The following CCDC85C variants were observed in gnomAD, a reference collection of about 807,000 sequenced individuals.
CCDC85C encodes coiled-coil domain-containing protein 85C.
Under a neutral mutation model 38.3 loss-of-function variants are expected in CCDC85C, and 18 were observed. The observed-to-expected ratio is 0.47, with a 90% CI of 0.33 to 0.70. The LOEUF (loss-of-function observed/expected upper bound fraction) is 0.70. CCDC85C is among the 30% of genes least tolerant of loss of function. The pLI is 0.03. For missense variants in CCDC85C, 566 were observed against 621.2 expected (o/e 0.91, Z 0.94); for synonymous variants, 264 against 293.8 (o/e 0.90, Z 1.04).
In CCDC85C at chr14:99,510,717, C is replaced by T; in HGVS notation, c.*4529G>A. 7.0e-7 allele frequency: 1 copy of T among 1,422,104 alleles called. No homozygotes were observed. Among genetic ancestry groups the T allele is most frequent in the Non-Finnish European group, 9.2e-7 (1 of 1,087,066 alleles). The allele number at this position is 1,422,104 out of a possible 1,614,324, so 88.1% of individuals were successfully genotyped here. On this transcript the variant is annotated 3_prime_UTR_variant, in exon 6 of 6. Transcript: ENST00000380243. ...CCCTGGAGGACAGCCTCCTGTGCCC[C>T]CGCCCATTCCCCCACCCGGCATGCC...
rs1896955755 is a variant in CCDC85C at position 99,505,645 on chromosome 14, C to G, written c.*9601G>C. ...GGGAGGCCAAGGCATGCTTTGAGCC[C>G]AGGAGTTCCAGGCCAGACTGGGCCA... On this transcript the variant is annotated 3_prime_UTR_variant, in exon 6 of 6. Transcript: ENST00000380243. 6.6e-6 allele frequency: 1 copy of G among 152,162 alleles called. No individual in the cohort carries two copies. The highest frequency in any genetic ancestry group is 1.5e-5 in the Non-Finnish European group (1 of 68,062). The allele number at this position is 152,162 out of a possible 1,614,324, so 9.4% of individuals were successfully genotyped here.
rs1896964006 is a variant in CCDC85C, at chr14:99,506,003, T to A, written c.*9243A>T. 6.6e-6 allele frequency: 1 copy of A among 152,334 alleles called. No individual in the cohort carries two copies. Among genetic ancestry groups the A allele is most frequent in the Non-Finnish European group, 1.5e-5 (1 of 68,202 alleles). The allele number at this position is 152,334 out of a possible 1,614,324, so 9.4% of individuals were successfully genotyped here. On this transcript the variant is annotated 3_prime_UTR_variant, in exon 6 of 6. Coordinates refer to ENST00000380243, the MANE Select transcript of CCDC85C (RefSeq NM_001144995.2). ...AGGAGGTGGGTCCCTGAGGTGAGAGTAATAGCAGTTATAGGATACAGAGGC... is the reference window on the plus strand; with the variant it reads ...AGGAGGTGGGTCCCTGAGGTGAGAGAAATAGCAGTTATAGGATACAGAGGC...
At chr14:99,538,941 G>A (rs1441698416) in intron 1 of CCDC85C, among the ~76,000 whole-genome samples, 2 of 152,024 alleles carry the variant, frequency 1.3e-5, no homozygotes, top group African/African-American at 4.8e-5. Context: ...CCCCCACATC[G>A]GGCCACCTGT....
intron 1 of CCDC85C, among the ~76,000 whole-genome samples, chr14:99,560,670 G>A (rs1032722882): frequency 2.0e-5 from 3 of 152,234 alleles, no homozygotes; most frequent in African/African-American, 7.2e-5. Flanking sequence ...TGGGCCCGGT[G>A]TACTCAATGC....
chr14:99,523,460 G>A (rs984666770), intron 2 of CCDC85C, among the ~76,000 whole-genome samples: 2 of 152,210 alleles, frequency 1.3e-5, no homozygotes, highest in Non-Finnish European at 2.9e-5. Flanking sequence ...TTGGCTCAAG[G>A]GCCAGCAAAC....
intron 1 of CCDC85C, among the ~76,000 whole-genome samples, chr14:99,571,907 C>G (rs1040887817): frequency 6.6e-6 from 1 of 152,210 alleles, no homozygotes; most frequent in Non-Finnish European, 1.5e-5. Flanking sequence ...TGGCCTGGGA[C>G]ATCACACCTA....
chr14:99,545,928 CCTCCAA>C lies in CCDC85C; in HGVS notation c.794-9846_794-9841del, dbSNP rs2139931220. Among the ~76,000 whole-genome samples, 1 of 152,186 alleles carries C rather than the reference CCTCCAA, an allele frequency of 6.6e-6. No homozygotes were observed. Among genetic ancestry groups the C allele is most frequent in the Non-Finnish European group, 1.5e-5 (1 of 68,012 alleles). ...ACTGTTCCAATCATCCAACTCCCAGCCTCCAACTCCGAGGGACCCTTTACCCTCCTG... is the reference window on the plus strand; with the variant it reads ...ACTGTTCCAATCATCCAACTCCCAGCCTCCGAGGGACCCTTTACCCTCCTG... On this transcript the variant is annotated intron_variant, in intron 1 of 5. Coordinates refer to ENST00000380243, the MANE Select transcript of CCDC85C (RefSeq NM_001144995.2). The surrounding 1 kb of genome is among the most constrained non-coding windows in gnomAD (Gnocchi z 4.7).
intron 1 of CCDC85C, among the ~76,000 whole-genome samples, chr14:99,585,055 A>G (rs2055012450): frequency 1.3e-5 from 2 of 152,176 alleles, no homozygotes; most frequent in Non-Finnish European, 2.9e-5. Flanking sequence ...AGATTGGGCA[A>G]CCACACTCCA....
At chr14:99,590,773 G>A (rs867811127) in intron 1 of CCDC85C, among the ~76,000 whole-genome samples, 7 of 152,156 alleles carry the variant, frequency 4.6e-5, no homozygotes, top group Admixed American at 6.5e-5. Context: ...CCAGTCTCCC[G>A]GTGCACTCTG....
chr14:99,546,989 C>T (rs1897820119), intron 1 of CCDC85C, among the ~76,000 whole-genome samples: 2 of 152,010 alleles, frequency 1.3e-5, no homozygotes, highest in Admixed American at 6.6e-5. Context: ...AGCAACATAG[C>T]GAGACCCCAT....
At chr14:99,549,073 G>T (rs1454628319) in intron 1 of CCDC85C, among the ~76,000 whole-genome samples, 1 of 152,144 alleles carries the variant, frequency 6.6e-6, no homozygotes, top group Admixed American at 6.5e-5. Flanking sequence ...GGGTGCCTCC[G>T]CTCCACCTGC....
At chr14:99,564,139 T>C (rs147599485) in intron 1 of CCDC85C, among the ~76,000 whole-genome samples, 412 of 152,348 alleles carry the variant, frequency 2.7e-3, no homozygotes, top group African/African-American at 9.4e-3. Flanking sequence ...TCACTCCCAT[T>C]AGCCATGGAA....
At chr14:99,560,426 G>A (rs994198881) in intron 1 of CCDC85C, among the ~76,000 whole-genome samples, 6 of 152,202 alleles carry the variant, frequency 3.9e-5, no homozygotes, top group African/African-American at 1.4e-4. Flanking sequence ...ACTGCTCACA[G>A]CACCATCAGT....
chr14:99,592,242 G>A (rs2055095731), intron 1 of CCDC85C, among the ~76,000 whole-genome samples: 1 of 152,198 alleles, frequency 6.6e-6, no homozygotes, highest in Non-Finnish European at 1.5e-5. Flanking sequence ...AGCTACATAT[G>A]GCTAGTGGAC....
Position 99,603,216 on chromosome 14 carries a change from G to C in CCDC85C, c.744C>G (p.Asp248Glu). 2.1e-6 allele frequency: 3 copies of C among 1,429,052 alleles called. No homozygotes were observed. The highest frequency in any genetic ancestry group is 2.7e-6 in the Non-Finnish European group (3 of 1,093,964). 88.5% of individuals were successfully genotyped at this position (1,429,052 alleles called of 1,614,324 possible). A position where few individuals can be genotyped will look rare whatever the true frequency, so the allele number is the denominator to read the frequency against. Residue 248 changes from aspartate to glutamate, a missense_variant, in exon 1 of 6, where the codon GAC (aspartate) becomes GAG (glutamate). By Grantham distance (45) the Asp-to-Glu change is conservative (BLOSUM62 2). Around this residue, in one of 3 missense-constraint regions of CCDC85C, gnomAD observed 286 missense variants for 276.4 expected, o/e 1.03. Transcript: ENST00000380243. The surrounding 1 kb of genome is among the most constrained non-coding windows in gnomAD (Gnocchi z 7.5). ...GKAGATRRSL[D>E]DLSAPPHHRS... ...GGTGGTGCGGCGGCGCCGACAAGTC[G>C]TCCAGGGACCGACGTGTGGCTCCTG...
intron 1 of CCDC85C, among the ~76,000 whole-genome samples, chr14:99,550,104 C>A (rs968141136): frequency 6.6e-6 from 1 of 152,274 alleles, no homozygotes; most frequent in African/African-American, 2.4e-5. Flanking sequence ...GCTTGTGAAC[C>A]GTAGTCAGCA....
chr14:99,584,959 G>A (rs1266849951), intron 1 of CCDC85C, among the ~76,000 whole-genome samples: 3 of 152,182 alleles, frequency 2.0e-5, no homozygotes, highest in African/African-American at 4.8e-5. Context: ...GCCAGGCATG[G>A]TGGCACACAC....
At position 99,603,536 on chromosome 14, in the gene CCDC85C, G is replaced by A; in HGVS notation, c.424C>T (p.Leu142=). Reference sequence around the variant, plus strand: ...AGCAGCACCAGCTCCTTGAGCTCCAGGTTCTCGCGCAGCAGGGCCTCCTGG... The same window carrying A: ...AGCAGCACCAGCTCCTTGAGCTCCAAGTTCTCGCGCAGCAGGGCCTCCTGG... ...ARQEALLREN[L]ELKELVLLLD... The change falls in exon 1 of 6, where the codon CTG becomes TTG. Residue 142 remains leucine (L), a synonymous_variant. Coordinates refer to ENST00000380243, the MANE Select transcript of CCDC85C (RefSeq NM_001144995.2). The surrounding 1 kb of genome is among the most constrained non-coding windows in gnomAD (Gnocchi z 7.5). 7.2e-7 allele frequency: 1 copy of A among 1,382,192 alleles called. No homozygotes were observed. Among genetic ancestry groups the A allele is most frequent in the Middle Eastern group, 2.3e-4 (1 of 4,360 alleles). The allele number at this position is 1,382,192 out of a possible 1,614,324, so 85.6% of individuals were successfully genotyped here.
intron 1 of CCDC85C, among the ~76,000 whole-genome samples, chr14:99,591,162 G>T (rs1196829974): frequency 6.6e-6 from 1 of 152,214 alleles, no homozygotes. Flanking sequence ...CCACCCCACC[G>T]TTTAAAAGCC....
Sources: allele counts gnomAD v4.1 joint callset (sites outside exome capture counted in the v4.1 genomes callset), GRCh38; gene constraint gnomAD v4.1.1; regional missense constraint gnomAD v4.1.1; non-coding constraint Gnocchi (gnomAD v3.1); transcripts MANE v1.5; gene names NCBI Gene and HGNC (gene_info 2026-07-23, HGNC 2026-07-21).